TTC27: variants seen among roughly 807,000 people sequenced by gnomAD.
TTC27 encodes the protein tetratricopeptide repeat domain 27, also known as tetratricopeptide repeat protein 27.
Under a neutral mutation model 115.9 loss-of-function variants are expected in TTC27, and 79 were observed. The ratio of observed to expected loss-of-function variants is 0.68; its 90% confidence interval spans 0.57 to 0.82. TTC27 has a LOEUF of 0.82. TTC27 is among the 40% of genes least tolerant of loss of function. The pLI is 0.00. For synonymous variants in TTC27, 401 were observed against 356.0 expected (o/e 1.13, Z -1.42); for missense variants, 1,054 against 993.1 (o/e 1.06, Z -0.82).
At chr2:32,700,164 G>A (rs1212200772) in intron 9 of TTC27, among the ~76,000 whole-genome samples, 2 of 152,172 alleles carry the variant, frequency 1.3e-5, no homozygotes, top group Non-Finnish European at 2.9e-5. Flanking sequence ...GGGGCCAGAT[G>A]TGCTTTTCAG....
rs540894482 is a variant in TTC27 at position 32,739,048 on chromosome 2, T to C, written c.1452+2232T>C. On this transcript the variant is annotated intron_variant, in intron 12 of 19. Coordinates refer to ENST00000317907, the MANE Select transcript of TTC27 (RefSeq NM_017735.5). ...AGTTTGTCTTACAACTGATAGCATCTCAAATTTGATGAAATATAGTCATGT... is the reference window on the plus strand; with the variant it reads ...AGTTTGTCTTACAACTGATAGCATCCCAAATTTGATGAAATATAGTCATGT... Among the ~76,000 whole-genome samples the C allele has an allele frequency of 3.9e-5, 6 of 152,356 alleles. No homozygotes were observed. The South Asian group carries it at 8.3e-4, about 21-fold the overall frequency.
rs146117719 is a variant in TTC27, at chr2:32,713,236, A to G, written c.1233+10316A>G. On this transcript the variant is annotated intron_variant, in intron 10 of 19. Transcript: ENST00000317907. Reference sequence around the variant, plus strand: ...TGACCCAATCCTAATATTCTATTACAGCAACACAAAGGGGCTAAAACATTT... The same window carrying G: ...TGACCCAATCCTAATATTCTATTACGGCAACACAAAGGGGCTAAAACATTT... Among the ~76,000 whole-genome samples the G allele has an allele frequency of 3.3e-3, 510 of 152,310 alleles. 6 individuals carry two copies. The highest frequency in any genetic ancestry group is 0.012 in the African/African-American group (487 of 41,556).
chr2:32,785,857 G>C (rs1227899099), intron 15 of TTC27, among the ~76,000 whole-genome samples: 1 of 152,116 alleles, frequency 6.6e-6, no homozygotes, highest in East Asian at 1.9e-4. Context: ...GCCTCCCAAA[G>C]TGCTGGGATT....
chr2:32,646,534 A>G (rs1029999324), intron 4 of TTC27, among the ~76,000 whole-genome samples: 1 of 149,886 alleles, frequency 6.7e-6, no homozygotes, highest in Non-Finnish European at 1.5e-5. Flanking sequence ...TAGTAGAAAA[A>G]TAGGCTATGC....
intron 12 of TTC27, among the ~76,000 whole-genome samples, chr2:32,740,240 T>C (rs185749151): frequency 2.4e-4 from 36 of 152,306 alleles, no homozygotes; most frequent in Admixed American, 1.9e-3. Flanking sequence ...GGGTTAGGGA[T>C]AGATAAGGGT....
chr2:32,800,728 G>C (rs1670896518), intron 16 of TTC27, among the ~76,000 whole-genome samples: 1 of 151,272 alleles, frequency 6.6e-6, no homozygotes. Flanking sequence ...TCAAACTCCT[G>C]ACCTCAAGTG....
intron 16 of TTC27, among the ~76,000 whole-genome samples, chr2:32,809,823 T>C (rs959969107): frequency 6.6e-6 from 1 of 152,120 alleles, no homozygotes; most frequent in Non-Finnish European, 1.5e-5. Context: ...GATAATAAGA[T>C]AGCCAAGAAG....
intron 16 of TTC27, among the ~76,000 whole-genome samples, chr2:32,798,403 AAAAAG>A (rs1467002825): frequency 6.8e-6 from 1 of 146,268 alleles, no homozygotes; most frequent in Non-Finnish European, 1.5e-5. Context: ...CCATCTCAAA[AAAAAG>A]AAAGAAAGAA....
chr2:32,639,746 G>C (rs1193027597), intron 3 of TTC27, among the ~76,000 whole-genome samples: 1 of 152,094 alleles, frequency 6.6e-6, no homozygotes, highest in Non-Finnish European at 1.5e-5. Flanking sequence ...GCTTTCACCT[G>C]TAATCCCAGC....
intron 5 of TTC27, among the ~76,000 whole-genome samples, chr2:32,651,636 C>T (rs1167471144): frequency 4.6e-5 from 7 of 152,156 alleles, no homozygotes; most frequent in Non-Finnish European, 8.8e-5. Flanking sequence ...CGAGCCACTG[C>T]GCCCGGCGTC....
At chr2:32,758,213 A>G (rs1381463073) in intron 12 of TTC27, 79 bp from the exon 13 acceptor site, 2 of 1,301,618 alleles carry the variant, frequency 1.5e-6, no homozygotes, top group Non-Finnish European at 2.2e-6. Flanking sequence ...ATTGTGTGAG[A>G]TTAAAGATGT....
At chr2:32,648,488 C>T (rs1437984005) in intron 4 of TTC27, among the ~76,000 whole-genome samples, 2 of 149,352 alleles carry the variant, frequency 1.3e-5, no homozygotes, top group Non-Finnish European at 3.0e-5. Context: ...GTGTTGCCCA[C>T]CTGGTCTCAA....
chr2:32,778,031 G>T (rs1441805947), intron 14 of TTC27, 51 bp downstream of exon 14: 1 of 1,568,744 alleles, frequency 6.4e-7, no homozygotes, highest in Non-Finnish European at 8.8e-7. Context: ...TCTCTAAGTT[G>T]TTGAAATTGT....
intron 5 of TTC27, among the ~76,000 whole-genome samples, chr2:32,653,200 G>T (rs1433379616): frequency 1.3e-5 from 2 of 152,150 alleles, no homozygotes; most frequent in South Asian, 2.1e-4. Flanking sequence ...TCATGAAGTC[G>T]CTAAGAGAAA....
chr2:32,666,559 T>G, intron 6 of TTC27, 76 bp from the exon 7 acceptor site: 2 of 1,465,346 alleles, frequency 1.4e-6, no homozygotes, highest in South Asian at 1.5e-5. Context: ...TAAAGCACTC[T>G]GAAAATATTA....
chr2:32,738,215 G>A (rs545588288), intron 12 of TTC27, among the ~76,000 whole-genome samples: 10 of 152,106 alleles, frequency 6.6e-5, no homozygotes, highest in Middle Eastern at 3.2e-3. Context: ...TCTGGCTGCC[G>A]GTAGTCAAAT....
chr2:32,785,029 T>C (rs1016106875), intron 15 of TTC27, among the ~76,000 whole-genome samples: 2 of 152,246 alleles, frequency 1.3e-5, no homozygotes, highest in Non-Finnish European at 2.9e-5. Flanking sequence ...TTAGAGTCAA[T>C]AGATGGTAAA....
intron 10 of TTC27, 98 bp downstream of exon 10, chr2:32,703,018 C>T (rs1464993328): frequency 1.2e-6 from 1 of 819,692 alleles, no homozygotes; most frequent in Non-Finnish European, 2.0e-6. Flanking sequence ...AAATGGCTTA[C>T]ATTTCACTCA....
At chr2:32,781,526 G>A (rs925875471) in intron 14 of TTC27, among the ~76,000 whole-genome samples, 3 of 151,962 alleles carry the variant, frequency 2.0e-5, no homozygotes, top group African/African-American at 7.3e-5. Context: ...TTTTATTCTG[G>A]CATTCAGTTA....
Sources: gnomAD v4.1 joint callset for allele counts (sites outside exome capture counted in the v4.1 genomes callset) on GRCh38, gnomAD v4.1.1 for gene constraint, MANE v1.5 for transcripts, NCBI Gene and HGNC (gene_info 2026-07-23, HGNC 2026-07-21) for gene names.